CPLANE1: variants seen among roughly 807,000 people sequenced by gnomAD.
The protein encoded by CPLANE1 is ciliogenesis and planar polarity effector 1.
Under a neutral mutation model 362.5 loss-of-function variants are expected in CPLANE1, and 263 were observed. The observed-to-expected ratio is 0.73, with a 90% CI of 0.66 to 0.80. The LOEUF (loss-of-function observed/expected upper bound fraction) is 0.80, where lower values mean the gene tolerates loss of function less well. Ranked by LOEUF, CPLANE1 falls within the 30% of genes least tolerant of loss-of-function variation. CPLANE1 has a pLI of 0.00. For missense variants in CPLANE1, 3,461 were observed against 3,793.4 expected (o/e 0.91, Z 2.30); for synonymous variants, 1,212 against 1,302.6 (o/e 0.93, Z 1.50).
chr5:37,158,352 A>G lies in CPLANE1; in HGVS notation c.7691-7T>C. On this transcript the variant is annotated splice_polypyrimidine_tract_variant and splice_region_variant and intron_variant, in intron 38 of 52. Transcript: ENST00000651892. ...GCAGTCAAAGGCTCATGTTCTGAAA[A>G]TTAAAAAAGAAATAATCAGGAACAT... 6.2e-7 allele frequency: 1 copy of G among 1,608,466 alleles called. No homozygotes were observed. Among genetic ancestry groups the G allele is most frequent in the Non-Finnish European group, 8.5e-7 (1 of 1,177,310 alleles).
intron 14 of CPLANE1, among the ~76,000 whole-genome samples, chr5:37,223,219 T>C (rs550466847): frequency 6.6e-6 from 1 of 152,316 alleles, no homozygotes; most frequent in South Asian, 2.1e-4. Flanking sequence ...CTATATACTC[T>C]GTTAAGTCAT....
At chr5:37,202,942 A>T (rs938157979) in intron 18 of CPLANE1, among the ~76,000 whole-genome samples, 12 of 149,614 alleles carry the variant, frequency 8.0e-5, no homozygotes, top group Non-Finnish European at 1.0e-4. Context: ...TATATATTTT[A>T]TATATATATA....
rs775262984 is a variant in CPLANE1, at chr5:37,108,392, C to A, written c.9480G>T (p.Val3160=). ...SAGLAPQTKQ[V]CVEYEREETV... ...TCTCCTCTCTTTCATACTCTACACA[C>A]ACCTGCTTGGTTTGAGGTGCAAGCC... Residue 3160 remains valine (V), a synonymous_variant, in exon 52 of 53, where the codon GTG becomes GTT. Transcript: ENST00000651892. 9.9e-6 allele frequency: 16 copies of A among 1,614,050 alleles called. No individual in the cohort carries two copies. In the East Asian group the frequency reaches 3.1e-4, roughly 31 times the overall value.
At chr5:37,247,886 C>T in intron 1 of CPLANE1, 141 bp from the exon 2 acceptor site, 2 of 487,682 alleles carry the variant, frequency 4.1e-6, no homozygotes, top group Non-Finnish European at 6.8e-6. Context: ...CAACCTCCGC[C>T]TCCCGGATTC....
chr5:37,079,133 A>G, the CPLANE1 span, among the ~76,000 whole-genome samples: 1 of 152,164 alleles, frequency 6.6e-6, no homozygotes, highest in African/African-American at 2.4e-5. Context: ...GCCTGTGCCT[A>G]TGTCCCAGAT....
At chr5:37,176,864 T>C (rs949178770) in intron 30 of CPLANE1, among the ~76,000 whole-genome samples, 2 of 151,692 alleles carry the variant, frequency 1.3e-5, no homozygotes, top group African/African-American at 4.8e-5. Flanking sequence ...GGTCATGCCA[T>C]TCTCCTGCCT....
chr5:37,209,411 A>C lies in CPLANE1; in HGVS notation c.2921-2986T>G. 1 of 1,273,934 alleles carries C rather than the reference A, an allele frequency of 7.8e-7. No individual in the cohort carries two copies. Among genetic ancestry groups the C allele is most frequent in the Non-Finnish European group, 1.1e-6 (1 of 872,320 alleles). 78.9% of individuals were successfully genotyped at this position (1,273,934 alleles called of 1,614,324 possible). A position where few individuals can be genotyped will look rare whatever the true frequency, so the allele number is the denominator to read the frequency against. Reference sequence around the variant, plus strand: ...TCCCCGTGGCTGATGTGTTGAGTCAAAATGAACTGCGCAAAAAGCTATACC... The same window carrying C: ...TCCCCGTGGCTGATGTGTTGAGTCACAATGAACTGCGCAAAAAGCTATACC... On this transcript the variant is annotated intron_variant, in intron 16 of 52. Coordinates refer to ENST00000651892, the MANE Select transcript of CPLANE1 (RefSeq NM_001384732.1). The surrounding 1 kb of genome is among the most constrained non-coding windows in gnomAD (Gnocchi z 4.6).
intron 5 of CPLANE1, 103 bp from the exon 6 acceptor site, chr5:37,243,222 T>C: frequency 1.5e-6 from 1 of 680,106 alleles, no homozygotes; most frequent in Non-Finnish European, 2.3e-6. Flanking sequence ...GTAAAAAATA[T>C]TGAGATCTTG....
chr5:37,139,235 C>A, intron 45 of CPLANE1, 105 bp downstream of exon 45: 1 of 1,138,972 alleles, frequency 8.8e-7, no homozygotes, highest in Non-Finnish European at 1.2e-6. Flanking sequence ...TCCTTTAAAC[C>A]ACAAAGATAT....
intron 46 of CPLANE1, among the ~76,000 whole-genome samples, chr5:37,133,395 C>T (rs1343155091): frequency 6.6e-6 from 1 of 151,976 alleles, no homozygotes; most frequent in Non-Finnish European, 1.5e-5. Context: ...ATTGATTCTT[C>T]TGTGAGCATG....
intron 18 of CPLANE1, among the ~76,000 whole-genome samples, chr5:37,203,700 T>C (rs1278166181): frequency 3.3e-5 from 5 of 152,170 alleles, no homozygotes; most frequent in Non-Finnish European, 7.3e-5. Context: ...GTATTTTCTG[T>C]AGAGACAGGG....
In CPLANE1 at chr5:37,169,432, A is replaced by C. The variant is rs1448749542; in HGVS notation, c.6592T>G (p.Tyr2198Asp). ...ACAACAGAAGGTGTGGACAAAAGGT[A>C]GAGGTGAGTATTTCCAGCAGGAGCT... ...YPAPAGNTHL[Y>D]LLSTPSVVQK... is the part of the protein sequence containing the mutation. Residue 2198 changes from tyrosine (Y) to aspartate (D), a missense_variant, in exon 34 of 53, where the codon TAC (tyrosine) becomes GAC (aspartate). By Grantham distance (160) the Tyr-to-Asp change is radical. Coordinates refer to ENST00000651892, the MANE Select transcript of CPLANE1 (RefSeq NM_001384732.1). 1 of 1,614,138 alleles carries C rather than the reference A, an allele frequency of 6.2e-7. No individual in the cohort carries two copies. Among genetic ancestry groups the C allele is most frequent in the Non-Finnish European group, 8.5e-7 (1 of 1,180,054 alleles).
rs1561611402 is a variant in CPLANE1 at position 37,209,021 on chromosome 5, G to A, written c.2921-2596C>T. ...GGGAAGGCTGTACTGAGCCGGTCTC[G>A]GGAGACGAAGGATGGGATGTGAGGC... On this transcript the variant is annotated intron_variant, in intron 16 of 52. Transcript: ENST00000651892. The surrounding 1 kb of genome is among the most constrained non-coding windows in gnomAD (Gnocchi z 4.6). Among the ~76,000 whole-genome samples the A allele has an allele frequency of 6.6e-6, 1 of 152,058 alleles. No homozygotes were observed. Among genetic ancestry groups the A allele is most frequent in the Non-Finnish European group, 1.5e-5 (1 of 68,022 alleles).
chr5:37,091,358 A>T, the CPLANE1 span, among the ~76,000 whole-genome samples: 1 of 152,178 alleles, frequency 6.6e-6, no homozygotes, highest in Non-Finnish European at 1.5e-5. Flanking sequence ...CACAAAAATT[A>T]AAAAATTAAA....
intron 21 of CPLANE1, among the ~76,000 whole-genome samples, chr5:37,189,417 T>C (rs1784871913): frequency 6.6e-6 from 1 of 152,142 alleles, no homozygotes. Context: ...ACACATCAGA[T>C]TCTCATAGAT....
chr5:37,206,118 T>G, intron 17 of CPLANE1, 79 bp downstream of exon 17: 2 of 964,152 alleles, frequency 2.1e-6, no homozygotes, highest in Non-Finnish European at 3.2e-6. Flanking sequence ...CCACATAAAA[T>G]GTAAATACCA....
Position 37,201,749 on chromosome 5 carries a change from C to T in CPLANE1, c.3349G>A (p.Ala1117Thr), listed in dbSNP as rs1348576437. The change falls in exon 19 of 53, where the codon GCA (alanine) becomes ACA (threonine). Residue 1117 changes from alanine (A) to threonine (T), a missense_variant. This residue lies in a region of CPLANE1 where 3,380 missense variants were observed against 3,666.1 expected (regional missense o/e 0.92). Transcript: ENST00000651892. ...LFGSVQEVLK[A>T]SVMADADILS... ...ATATCTGCATCGGCCATAACTGATG[C>T]TTTCAGTACTTCTTGTACTGAACCA... 1.9e-6 allele frequency: 3 copies of T among 1,614,096 alleles called. No individual in the cohort carries two copies. The South Asian group carries it at 3.3e-5, about 18-fold the overall frequency.
At chr5:37,199,773 T>A (rs760215844) in intron 19 of CPLANE1, among the ~76,000 whole-genome samples, 1 of 152,190 alleles carries the variant, frequency 6.6e-6, no homozygotes, top group East Asian at 1.9e-4. Context: ...ATCTCCTACA[T>A]GGCTCATATG....
intron 22 of CPLANE1, 30 bp downstream of exon 22, chr5:37,187,703 C>A: frequency 6.3e-7 from 1 of 1,588,180 alleles, no homozygotes; most frequent in South Asian, 1.1e-5. Flanking sequence ...AACGTGTGTT[C>A]ATTTTTCTTA....
Sources: gnomAD v4.1 joint callset for allele counts (sites outside exome capture counted in the v4.1 genomes callset) on GRCh38, gnomAD v4.1.1 for gene constraint, gnomAD v4.1.1 regional missense constraint, Gnocchi (gnomAD v3.1) non-coding constraint, MANE v1.5 for transcripts, NCBI Gene and HGNC (gene_info 2026-07-23, HGNC 2026-07-21) for gene names.